FGD3: variants seen among roughly 807,000 people sequenced by gnomAD.
FGD3 encodes the protein FYVE, RhoGEF and PH domain containing 3.
A neutral mutation model predicts 71.8 loss-of-function variants in FGD3; 45 were observed. The ratio of observed to expected loss-of-function variants is 0.63; its 90% CI spans 0.49 to 0.80. FGD3 has a LOEUF of 0.80. Among genes scored for constraint, FGD3 ranks in the 30% least tolerant of loss-of-function variants. FGD3 has a pLI of 0.00. For synonymous variants in FGD3, 378 were observed against 392.8 expected (o/e 0.96, Z 0.44); for missense variants, 844 against 951.5 (o/e 0.89, Z 1.49).
At chr9:92,952,504 T>C (rs1858973303) in intron 1 of FGD3, among the ~76,000 whole-genome samples, 1 of 152,196 alleles carries the variant, frequency 6.6e-6, no homozygotes, top group Non-Finnish European at 1.5e-5. Context: ...TCCAAAGTGC[T>C]GGGATTACAG....
At chr9:93,020,638 G>C (rs369344672) in intron 13 of FGD3, 1 of 532,868 alleles carries the variant, frequency 1.9e-6, no homozygotes, top group East Asian at 3.3e-5. Flanking sequence ...TTTGTGGATG[G>C]GATAACACCC....
chr9:92,981,487 A>G lies in FGD3; in HGVS notation c.453+4778A>G, dbSNP rs536600694. On this transcript the variant is annotated intron_variant, in intron 3 of 17. Coordinates refer to ENST00000375482, the MANE Select transcript of FGD3 (RefSeq NM_001083536.2). The stretch of plus-strand genomic sequence containing the variant: ...GTCTATCCTGGAGAATGTTTCATGT[A>G]CACTTGAGAAGAACATATATTGTGC... Among the ~76,000 whole-genome samples, 34 of 152,148 alleles carry G rather than the reference A, an allele frequency of 2.2e-4. No individual in the cohort carries two copies. In the East Asian group the frequency reaches 6.4e-3, roughly 29 times the overall value.
chr9:92,981,286 TG>T (rs1859984346), intron 3 of FGD3, among the ~76,000 whole-genome samples: 1 of 147,714 alleles, frequency 6.8e-6, no homozygotes, highest in Admixed American at 7.0e-5. Context: ...GAGAATGGCA[TG>T]AACCTGGGAG....
intron 10 of FGD3, among the ~76,000 whole-genome samples, chr9:93,017,460 C>T (rs569355529): frequency 3.3e-5 from 5 of 152,006 alleles, no homozygotes; most frequent in East Asian, 1.9e-4. Context: ...AAAGCCCTCC[C>T]GACAGGGGAC....
intron 3 of FGD3, among the ~76,000 whole-genome samples, chr9:92,996,572 G>A (rs1860653889): frequency 6.6e-6 from 1 of 152,150 alleles, no homozygotes; most frequent in Non-Finnish European, 1.5e-5. Flanking sequence ...TGATGTTAGG[G>A]TGTCCATTTT....
intron 3 of FGD3, among the ~76,000 whole-genome samples, chr9:92,982,473 T>C (rs1472173891): frequency 6.6e-6 from 1 of 152,248 alleles, no homozygotes; most frequent in Non-Finnish European, 1.5e-5. Context: ...TTCAATATAC[T>C]GAGTTCCCTT....
rs1285198533 is a variant in FGD3, at chr9:93,035,331, G to A, written c.1927-7G>A. Reference sequence around the variant, plus strand: ...GGCCCCGCTGACCATCTGCTCCTCTGCTGCAGGACGGCCGGCTGCCCCGCA... The same window carrying A: ...GGCCCCGCTGACCATCTGCTCCTCTACTGCAGGACGGCCGGCTGCCCCGCA... On this transcript the variant is annotated splice_polypyrimidine_tract_variant and splice_region_variant and intron_variant, in intron 17 of 17. Coordinates refer to ENST00000375482, the MANE Select transcript of FGD3 (RefSeq NM_001083536.2). The A allele has an allele frequency of 1.2e-6, 2 of 1,606,486 alleles. No homozygotes were observed. The highest frequency in any genetic ancestry group is 1.1e-5 in the South Asian group (1 of 90,422).
intron 1 of FGD3, among the ~76,000 whole-genome samples, chr9:92,966,487 C>T (rs1018682625): frequency 4.6e-5 from 7 of 152,224 alleles, no homozygotes; most frequent in Admixed American, 3.3e-4. Flanking sequence ...TAATCTCAGC[C>T]CTCCAGGACC....
intron 9 of FGD3, among the ~76,000 whole-genome samples, chr9:93,014,898 G>T (rs1861604725): frequency 6.6e-6 from 1 of 152,104 alleles, no homozygotes; most frequent in Admixed American, 6.6e-5. Flanking sequence ...CACCCAAAGT[G>T]CTGGGATTAC....
chr9:92,965,668 T>C (rs1366683452), intron 1 of FGD3, among the ~76,000 whole-genome samples: 1 of 152,238 alleles, frequency 6.6e-6, no homozygotes, highest in Admixed American at 6.5e-5. Flanking sequence ...AGAGCTGAAA[T>C]GACCTTTTCC....
intron 10 of FGD3, 137 bp from the exon 11 acceptor site, chr9:93,017,999 C>T: frequency 2.5e-6 from 2 of 791,660 alleles, no homozygotes; most frequent in South Asian, 1.5e-5. Flanking sequence ...CTCTGCACCC[C>T]TCTCCCTGCA....
intron 3 of FGD3, among the ~76,000 whole-genome samples, chr9:92,992,676 C>T (rs1026557287): frequency 1.3e-5 from 2 of 151,818 alleles, no homozygotes; most frequent in African/African-American, 4.8e-5. Flanking sequence ...CAGACGGAGC[C>T]CAGTGCTAGA....
rs151226516 is a variant in FGD3 at position 93,006,207 on chromosome 9, A to C, written c.837+27A>C. On this transcript the variant is annotated intron_variant, in intron 6 of 17. Coordinates refer to ENST00000375482, the MANE Select transcript of FGD3 (RefSeq NM_001083536.2). ...TAAGGCCGGCAGTGGGAGTGTGGAC[A>C]CAGATGTTCTCAAGATGCACAGAGC... The C allele has an allele frequency of 1.7e-4, 251 of 1,512,592 alleles. 2 individuals carry two copies. In the African/African-American group the frequency reaches 3.2e-3, roughly 19 times the overall value. The allele number at this position is 1,512,592 out of a possible 1,614,324, so 93.7% of individuals were successfully genotyped here.
chr9:93,029,637 T>C (rs887559907), intron 14 of FGD3, among the ~76,000 whole-genome samples: 3 of 152,188 alleles, frequency 2.0e-5, no homozygotes, highest in Admixed American at 1.3e-4. Context: ...AACATGAAGA[T>C]CTTGATCCAC....
intron 6 of FGD3, among the ~76,000 whole-genome samples, chr9:93,006,488 C>T (rs1479308056): frequency 6.6e-6 from 1 of 152,160 alleles, no homozygotes; most frequent in African/African-American, 2.4e-5. Context: ...ATTCAAAGGA[C>T]AGTCTCTGAT....
rs202018384 is a variant in FGD3, at chr9:93,035,585, C to T, written c.2174C>T (p.Pro725Leu). 3.5e-5 allele frequency: 55 copies of T among 1,585,870 alleles called. No homozygotes were observed. The highest frequency in any genetic ancestry group is 3.9e-5 in the Non-Finnish European group (46 of 1,168,880). The change falls in exon 18 of 18, where the codon CCG becomes CTG. Residue 725 changes from proline (P) to leucine (L), a missense_variant. By Grantham distance (98) the Pro-to-Leu change is moderately conservative (BLOSUM62 -3). Coordinates refer to ENST00000375482, the MANE Select transcript of FGD3 (RefSeq NM_001083536.2). ...QLQVPMGAAA[P>L] ...CAGGTCCCTATGGGCGCAGCTGCTCCGTGAGCTGAGTCTCCCACTGCCCTG... is the reference window on the plus strand; with the variant it reads ...CAGGTCCCTATGGGCGCAGCTGCTCTGTGAGCTGAGTCTCCCACTGCCCTG...
At chr9:93,019,976 G>A (rs376753401) in intron 12 of FGD3, 115 bp downstream of exon 12, 1 of 1,099,498 alleles carries the variant, frequency 9.1e-7, no homozygotes, top group South Asian at 1.3e-5. Flanking sequence ...GCCCTGTGCT[G>A]TACCCTGCAG....
rs1472271959 is a variant in FGD3 at position 93,010,337 on chromosome 9, AT to A, written c.930del (p.Leu311Ter). The A allele has an allele frequency of 6.2e-7, 1 of 1,613,640 alleles. No individual in the cohort carries two copies. The highest frequency in any genetic ancestry group is 1.1e-5 in the South Asian group (1 of 91,070). On this transcript the variant is annotated frameshift_variant, in exon 7 of 18. Transcript: ENST00000375482. LOFTEE classifies it high-confidence loss of function. ...VPRYELLLKDYLKRLPQDAPD... is the reference protein window; with the variant it reads ...VPRYELLLKDXLKRLPQDAPD... ...CGGTACGAGCTGCTGCTCAAGGACT[AT>A]CTGAAGAGGCTCCCGCAGGACGCCC...
At chr9:93,010,446 G>C in intron 7 of FGD3, 62 bp downstream of exon 7, 1 of 1,503,272 alleles carries the variant, frequency 6.7e-7, no homozygotes, top group South Asian at 1.2e-5. Context: ...CTCTGGGGGT[G>C]GGGAGAGAGG....
Sources: gnomAD v4.1 joint callset for allele counts (sites outside exome capture counted in the v4.1 genomes callset) on GRCh38, gnomAD v4.1.1 for gene constraint, MANE v1.5 for transcripts, NCBI Gene and HGNC (gene_info 2026-07-23, HGNC 2026-07-21) for gene names.